ADAMTSL1: variants seen among roughly 807,000 people sequenced by gnomAD.
The protein encoded by ADAMTSL1 is ADAMTS-like protein 1.
Under a neutral mutation model 201.8 loss-of-function variants are expected in ADAMTSL1, and 126 were observed. The observed-to-expected ratio is 0.62, with a 90% CI of 0.54 to 0.72. The LOEUF is 0.72. ADAMTSL1 is among the 30% of genes least tolerant of loss of function. The pLI is 0.00. For synonymous variants in ADAMTSL1, 1,121 were observed against 903.4 expected, an observed-to-expected ratio of 1.24 and a Z score of -4.32; for missense variants, 2,679 against 2,277.8, an observed-to-expected ratio of 1.18 and a Z score of -3.59.
chr9:18,106,787 G>A (rs1029763611), intron 1 of ADAMTSL1, among the ~76,000 whole-genome samples: 2 of 152,166 alleles, frequency 1.3e-5, no homozygotes, highest in Admixed American at 1.3e-4. Flanking sequence ...TTGTACATTT[G>A]AGTTGCATCT....
At chr9:18,093,672 C>G (rs927390619) in intron 1 of ADAMTSL1, among the ~76,000 whole-genome samples, 2 of 152,066 alleles carry the variant, frequency 1.3e-5, no homozygotes, top group African/African-American at 4.8e-5. Flanking sequence ...TCTTTAGGAA[C>G]CAAGAAATAG....
chr9:18,290,781 G>GTT (rs71492936), intron 2 of ADAMTSL1, among the ~76,000 whole-genome samples: 204 of 135,080 alleles, frequency 1.5e-3, no homozygotes, highest in African/African-American at 6.0e-3. Flanking sequence ...TTTTTTGTGT[G>GTT]TTTTTTTTTT....
intron 2 of ADAMTSL1, among the ~76,000 whole-genome samples, chr9:18,194,034 C>T (rs889696247): frequency 9.9e-5 from 15 of 151,702 alleles, no homozygotes; most frequent in East Asian, 5.8e-4. Flanking sequence ...TTGAATTTGG[C>T]GGGGAGAAAT....
In ADAMTSL1 at chr9:18,778,494, G is replaced by A. The variant is rs148756532; in HGVS notation, c.3677+588G>A. Reference sequence around the variant, plus strand: ...TGTTTTGATGTATCATTATCAGGATGACAGCATGTATCACTTCCTTGTCTC... The same window carrying A: ...TGTTTTGATGTATCATTATCAGGATAACAGCATGTATCACTTCCTTGTCTC... On this transcript the variant is annotated intron_variant, in intron 19 of 28. Transcript: ENST00000380548. Among the ~76,000 whole-genome samples the A allele has an allele frequency of 7.3e-3, 1,112 of 152,300 alleles. 3 individuals are homozygous for A. The highest frequency in any genetic ancestry group is 0.013 in the Non-Finnish European group (891 of 68,022).
At chr9:18,175,091 A>G (rs1828080133) in intron 2 of ADAMTSL1, among the ~76,000 whole-genome samples, 1 of 152,172 alleles carries the variant, frequency 6.6e-6, no homozygotes, top group African/African-American at 2.4e-5. Context: ...ATCAAGGTGC[A>G]TTTATAGAGC....
intron 1 of ADAMTSL1, among the ~76,000 whole-genome samples, chr9:17,926,654 A>G (rs1399611940): frequency 3.3e-5 from 5 of 152,218 alleles, no homozygotes; most frequent in African/African-American, 9.6e-5. Flanking sequence ...TTGCTCACAT[A>G]CTATTGGCCA....
intron 2 of ADAMTSL1, among the ~76,000 whole-genome samples, chr9:18,238,237 T>C (rs535571529): frequency 1.4e-4 from 21 of 152,344 alleles, no homozygotes; most frequent in Admixed American, 2.0e-4. Flanking sequence ...GATTCTCCTA[T>C]ATAGTTTTGA....
At chr9:18,903,120 G>C (rs73425243) in intron 26 of ADAMTSL1, among the ~76,000 whole-genome samples, 22,806 of 152,120 alleles carry the variant, frequency 0.15, 3,382 homozygotes, top group African/African-American at 0.39. Flanking sequence ...GTCAGGAATT[G>C]CTTGAACCCA....
At position 18,910,402 on chromosome 9, in the gene ADAMTSL1, T is replaced by TTAAC. The variant is rs1280936766; in HGVS notation, c.*1860_*1863dup. 2 of 149,838 alleles carry TTAAC rather than the reference T, an allele frequency of 1.3e-5. No homozygotes were observed. The highest frequency in any genetic ancestry group is 6.7e-5 in the Admixed American group (1 of 14,950). 9.3% of individuals were successfully genotyped at this position (149,838 alleles called of 1,614,324 possible). On this transcript the variant is annotated 3_prime_UTR_variant, in exon 29 of 29. Transcript: ENST00000380548. Reference sequence around the variant, plus strand: ...AAACAAAACTATTGGGGGGACTTTATTAACTAACTTCCTGCAGTTGTGTTC... The same window carrying TTAAC: ...AAACAAAACTATTGGGGGGACTTTATTAACTAACTAACTTCCTGCAGTTGTGTTC...
chr9:18,054,099 T>C (rs1478037759), intron 1 of ADAMTSL1, among the ~76,000 whole-genome samples: 3 of 152,178 alleles, frequency 2.0e-5, no homozygotes, highest in Non-Finnish European at 2.9e-5. Context: ...GCCCATATCT[T>C]TTATAAAGCA....
chr9:18,436,668 C>T (rs75096145), intron 2 of ADAMTSL1, among the ~76,000 whole-genome samples: 13,194 of 152,232 alleles, frequency 0.087, 786 homozygotes, highest in Non-Finnish European at 0.13. Flanking sequence ...CTTTTCAGCT[C>T]TTATTTTACT....
intron 1 of ADAMTSL1, among the ~76,000 whole-genome samples, chr9:17,959,197 A>G (rs1266440358): frequency 6.6e-6 from 1 of 152,172 alleles, no homozygotes; most frequent in Non-Finnish European, 1.5e-5. Context: ...TAAAAGTTAA[A>G]TTTGTGCCTA....
At chr9:18,843,555 G>A (rs1825874392) in intron 23 of ADAMTSL1, among the ~76,000 whole-genome samples, 1 of 150,446 alleles carries the variant, frequency 6.6e-6, no homozygotes, top group Admixed American at 6.6e-5. Flanking sequence ...GGTGTTCTCT[G>A]TATTTCCTGA....
rs200377347 is a variant in ADAMTSL1 at position 18,465,035 on chromosome 9, A to G, written c.208-39794A>G. Reference sequence around the variant, plus strand: ...TTGATCATTATGTTCTGAGAATTCAATGTAGGGATTCCTATGTAATTAAGC... The same window carrying G: ...TTGATCATTATGTTCTGAGAATTCAGTGTAGGGATTCCTATGTAATTAAGC... On this transcript the variant is annotated intron_variant, in intron 2 of 29. Transcript: ENST00000680146. 1.1e-4 allele frequency among the ~76,000 whole-genome samples: 17 copies of G among 152,374 alleles called. No homozygotes were observed. In the East Asian group the frequency reaches 2.7e-3, roughly 24 times the overall value.
At chr9:18,193,276 T>C (rs1012653014) in intron 2 of ADAMTSL1, among the ~76,000 whole-genome samples, 1 of 151,976 alleles carries the variant, frequency 6.6e-6, no homozygotes, top group Non-Finnish European at 1.5e-5. Context: ...AGTGGTGAGA[T>C]CAACATAGAA....
At chr9:18,870,735 C>T (rs1265014076) in intron 23 of ADAMTSL1, among the ~76,000 whole-genome samples, 2 of 151,516 alleles carry the variant, frequency 1.3e-5, no homozygotes, top group Non-Finnish European at 2.9e-5. Context: ...AGATACCTGT[C>T]CTATTTCTGC....
intron 2 of ADAMTSL1, among the ~76,000 whole-genome samples, chr9:18,259,228 C>A (rs1467278325): frequency 1.3e-5 from 2 of 152,158 alleles, no homozygotes; most frequent in East Asian, 3.8e-4. Context: ...GAATGAAAGG[C>A]CCATATAGCC....
At chr9:18,260,047 G>T (rs1831854868) in intron 2 of ADAMTSL1, among the ~76,000 whole-genome samples, 1 of 152,122 alleles carries the variant, frequency 6.6e-6, no homozygotes, top group African/African-American at 2.4e-5. Context: ...ACTGAGGCTG[G>T]CATTTAAACC....
intron 1 of ADAMTSL1, among the ~76,000 whole-genome samples, chr9:18,022,945 C>A (rs1160668047): frequency 1.3e-5 from 2 of 152,092 alleles, no homozygotes; most frequent in Non-Finnish European, 2.9e-5. Context: ...TCCTTCTCCA[C>A]CTTGCTGGGT....
Sources: allele counts gnomAD v4.1 joint callset (sites outside exome capture counted in the v4.1 genomes callset), GRCh38; gene constraint gnomAD v4.1.1; transcripts MANE v1.5; gene names NCBI Gene and HGNC (gene_info 2026-07-23, HGNC 2026-07-21).